The following EPHA6 variants were observed in gnomAD, a reference collection of about 807,000 sequenced individuals.
EPHA6 encodes ephrin type-A receptor 6.
A neutral mutation model predicts 112.0 loss-of-function variants in EPHA6; 50 were observed. The observed-to-expected ratio is 0.45, with a 90% CI of 0.36 to 0.56. The LOEUF is 0.56. Ranked by LOEUF, EPHA6 falls within the 20% of genes least tolerant of loss-of-function variation. EPHA6 has a pLI of 0.00. For synonymous variants in EPHA6, 529 were observed against 490.7 expected (o/e 1.08, Z -1.03); for missense variants, 1,280 against 1,417.4 (o/e 0.90, Z 1.56).
intron 11 of EPHA6, among the ~76,000 whole-genome samples, chr3:97,586,549 A>C (rs1332389160): frequency 6.6e-6 from 1 of 152,218 alleles, no homozygotes; most frequent in Non-Finnish European, 1.5e-5. Flanking sequence ...TAACTAAAAA[A>C]AAAAGAGAGA....
At chr3:97,654,116 T>A (rs184287403) in intron 14 of EPHA6, among the ~76,000 whole-genome samples, 31 of 152,062 alleles carry the variant, frequency 2.0e-4, no homozygotes, top group African/African-American at 7.5e-4. Flanking sequence ...AAAGGGTAGA[T>A]CTTAAGTGTT....
chr3:97,495,844 A>G (rs1207003502), intron 10 of EPHA6, among the ~76,000 whole-genome samples: 1 of 152,178 alleles, frequency 6.6e-6, no homozygotes, highest in Non-Finnish European at 1.5e-5. Flanking sequence ...CTGATCAAGA[A>G]ATTGTACCCA....
intron 3 of EPHA6, among the ~76,000 whole-genome samples, chr3:97,037,052 A>T (rs920657690): frequency 6.6e-6 from 1 of 152,032 alleles, no homozygotes; most frequent in Non-Finnish European, 1.5e-5. Flanking sequence ...TTTGTTTACT[A>T]AAAAAATTAA....
At chr3:97,716,096 A>T (rs1004071737) in intron 14 of EPHA6, among the ~76,000 whole-genome samples, 1 of 152,198 alleles carries the variant, frequency 6.6e-6, no homozygotes, top group Non-Finnish European at 1.5e-5. Context: ...TGTGATTTCA[A>T]ATCTAAAGTA....
chr3:97,565,910 G>T (rs928445211), intron 11 of EPHA6, among the ~76,000 whole-genome samples: 7 of 151,840 alleles, frequency 4.6e-5, no homozygotes, highest in Admixed American at 3.9e-4. Flanking sequence ...CCAGCTACAT[G>T]GGAGGCTGAG....
chr3:96,950,243 A>G (rs919007627), intron 2 of EPHA6, among the ~76,000 whole-genome samples: 2 of 152,038 alleles, frequency 1.3e-5, no homozygotes, highest in Non-Finnish European at 2.9e-5. Context: ...CTGTATACCT[A>G]TTAGAGGTTC....
In EPHA6 at chr3:97,007,733, G is replaced by T. The variant is rs181829708; in HGVS notation, c.1114+19740G>T. On this transcript the variant is annotated intron_variant, in intron 3 of 17. Coordinates refer to ENST00000389672, the MANE Select transcript of EPHA6 (RefSeq NM_001080448.3). ...TATATTTTGGTATGTTTTTGCAGTG[G>T]CAGGTACCAGTTTTTCCTTTCCATA... Among the ~76,000 whole-genome samples the T allele has an allele frequency of 1.4e-4, 22 of 152,236 alleles. No homozygotes were observed. The East Asian group carries it at 4.2e-3, about 29-fold the overall frequency.
At chr3:96,942,714 G>A (rs780483085) in intron 2 of EPHA6, among the ~76,000 whole-genome samples, 1 of 152,212 alleles carries the variant, frequency 6.6e-6, no homozygotes, top group Non-Finnish European at 1.5e-5. Flanking sequence ...TGCTCATGCT[G>A]GGAGCTGTAG....
intron 7 of EPHA6, among the ~76,000 whole-genome samples, chr3:97,470,667 CT>C (rs57650553): frequency 2.0e-5 from 3 of 150,814 alleles, no homozygotes; most frequent in Admixed American, 6.6e-5. Context: ...AAGCATTTCA[CT>C]TTTTTTTTCT....
At chr3:97,404,253 C>T (rs1023011500) in intron 5 of EPHA6, among the ~76,000 whole-genome samples, 12 of 152,160 alleles carry the variant, frequency 7.9e-5, no homozygotes, top group Admixed American at 1.3e-4. Flanking sequence ...TATCATTTTG[C>T]ATTACCACCA....
At chr3:97,344,126 T>C (rs1197889129) in intron 5 of EPHA6, among the ~76,000 whole-genome samples, 1 of 152,130 alleles carries the variant, frequency 6.6e-6, no homozygotes, top group African/African-American at 2.4e-5. Context: ...ACTTTTACTT[T>C]GAGTCTCACC....
chr3:96,987,210 C>T (rs1431410577), intron 2 of EPHA6, 120 bp from the exon 3 acceptor site: 1 of 834,610 alleles, frequency 1.2e-6, no homozygotes, highest in Non-Finnish European at 1.8e-6. Flanking sequence ...CTTTGAGTAG[C>T]TTCATTTGTA....
chr3:97,396,236 T>C (rs1226548088), intron 5 of EPHA6, among the ~76,000 whole-genome samples: 5 of 150,860 alleles, frequency 3.3e-5, no homozygotes, highest in Non-Finnish European at 1.5e-5. Flanking sequence ...TCACTGTGTA[T>C]CTCATTTTCT....
chr3:97,547,840 C>T (rs1209675433), intron 11 of EPHA6, among the ~76,000 whole-genome samples: 1 of 152,226 alleles, frequency 6.6e-6, no homozygotes. Context: ...ATGAGCGAGA[C>T]TCTGTGGGCG....
At chr3:97,180,103 C>T (rs989390916) in intron 3 of EPHA6, among the ~76,000 whole-genome samples, 32 of 152,016 alleles carry the variant, frequency 2.1e-4, no homozygotes, top group Admixed American at 3.9e-4. Context: ...ACTTAAATCA[C>T]GAAATGCAGC....
At chr3:96,937,924 G>A (rs1391054302) in intron 2 of EPHA6, among the ~76,000 whole-genome samples, 6 of 152,188 alleles carry the variant, frequency 3.9e-5, no homozygotes, top group East Asian at 3.9e-4. Flanking sequence ...TTGTAGATAC[G>A]CGGCATTATT....
Position 97,139,464 on chromosome 3 carries a change from C to G in EPHA6, c.1115-86800C>G, listed in dbSNP as rs185733009. Reference sequence around the variant, plus strand: ...GGGAACAAGAAAAGCCTCCCAAGACCTTCACCTCCCCATCTCTTTAGCAGA... The same window carrying G: ...GGGAACAAGAAAAGCCTCCCAAGACGTTCACCTCCCCATCTCTTTAGCAGA... On this transcript the variant is annotated intron_variant, in intron 3 of 17. Transcript: ENST00000389672. 2.0e-4 allele frequency among the ~76,000 whole-genome samples: 31 copies of G among 152,180 alleles called. No individual in the cohort carries two copies. In the East Asian group the frequency reaches 4.7e-3, roughly 23 times the overall value.
intron 3 of EPHA6, among the ~76,000 whole-genome samples, chr3:97,167,095 T>C (rs1361973839): frequency 6.6e-6 from 1 of 152,182 alleles, no homozygotes; most frequent in Non-Finnish European, 1.5e-5. Flanking sequence ...ATCATTCATG[T>C]ATGCAAAATG....
chr3:97,129,004 G>A (rs1169528930), intron 3 of EPHA6, among the ~76,000 whole-genome samples: 3 of 150,596 alleles, frequency 2.0e-5, no homozygotes, highest in Admixed American at 6.7e-5. Flanking sequence ...CTCCCAAATA[G>A]CTGGGACTAC....
Sources: allele counts gnomAD v4.1 joint callset (sites outside exome capture counted in the v4.1 genomes callset), GRCh38; gene constraint gnomAD v4.1.1; transcripts MANE v1.5; gene names NCBI Gene and HGNC (gene_info 2026-07-23, HGNC 2026-07-21).